FAM81A: variants seen among roughly 807,000 people sequenced by gnomAD.
FAM81A encodes the protein family with sequence similarity 81 member A.
Under a neutral mutation model 46.7 loss-of-function variants are expected in FAM81A, and 19 were observed. The observed-to-expected ratio is 0.41, with a 90% CI of 0.28 to 0.60. The LOEUF is 0.60. Ranked by LOEUF, FAM81A falls within the 20% of genes least tolerant of loss-of-function variation. FAM81A has a pLI of 0.34. For missense variants in FAM81A, 377 were observed against 453.5 expected (o/e 0.83, Z 1.53); for synonymous variants, 183 against 152.9 (o/e 1.20, Z -1.45).
chr15:59,442,230 G>A (rs1412501472), intron 1 of FAM81A, among the ~76,000 whole-genome samples: 1 of 152,154 alleles, frequency 6.6e-6, no homozygotes, highest in African/African-American at 2.4e-5. Flanking sequence ...AAGCCTGACT[G>A]CTTTGTCTCT....
intron 2 of FAM81A, among the ~76,000 whole-genome samples, chr15:59,409,263 C>T (rs62015014): frequency 0.14 from 20,693 of 152,116 alleles, 1,523 homozygotes; most frequent in Middle Eastern, 0.19. Flanking sequence ...CTCCTGCCTC[C>T]GGACTCTCCA....
At chr15:59,402,967 G>T (rs1407734555) in intron 2 of FAM81A, among the ~76,000 whole-genome samples, 1 of 152,160 alleles carries the variant, frequency 6.6e-6, no homozygotes, top group Non-Finnish European at 1.5e-5. Flanking sequence ...TGTTACTACA[G>T]TGAACTGAGT....
chr15:59,471,227 A>G (rs2081684606), intron 3 of FAM81A, among the ~76,000 whole-genome samples: 1 of 152,128 alleles, frequency 6.6e-6, no homozygotes. Context: ...GAAATATCCA[A>G]CTCTTATTGC....
chr15:59,507,383 G>A (rs553741012), intron 5 of FAM81A, 41 bp downstream of exon 5: 1 of 1,597,414 alleles, frequency 6.3e-7, no homozygotes, highest in African/African-American at 1.3e-5. Context: ...CGGGTAATTT[G>A]TTCTTAGCTA....
intron 7 of FAM81A, among the ~76,000 whole-genome samples, 191 bp downstream of exon 7, chr15:59,514,615 G>C (rs1366632729): frequency 1.3e-5 from 2 of 152,030 alleles, no homozygotes; most frequent in African/African-American, 4.8e-5. Flanking sequence ...GACTTGTTTT[G>C]GTTAACAAAG....
intron 2 of FAM81A, among the ~76,000 whole-genome samples, chr15:59,428,776 G>A (rs959713086): frequency 7.9e-5 from 12 of 151,832 alleles, no homozygotes; most frequent in African/African-American, 1.9e-4. Context: ...AATTAGAGGC[G>A]CAGGCCACCA....
chr15:59,406,885 G>GTT (rs35428955), intron 2 of FAM81A: 27 of 137,978 alleles, frequency 2.0e-4, no homozygotes, highest in Non-Finnish European at 2.2e-4. Context: ...TGGAGGGAAA[G>GTT]TTTTTTTTTT....
chr15:59,494,944 A>C (rs1224510020), intron 4 of FAM81A, among the ~76,000 whole-genome samples: 1 of 152,206 alleles, frequency 6.6e-6, no homozygotes, highest in Non-Finnish European at 1.5e-5. Flanking sequence ...CATTTAGCTC[A>C]TGTGGCATAC....
At chr15:59,413,052 T>C (rs1003423648) in intron 2 of FAM81A, among the ~76,000 whole-genome samples, 1 of 152,192 alleles carries the variant, frequency 6.6e-6, no homozygotes, top group African/African-American at 2.4e-5. Context: ...AGTTTTGTTA[T>C]ACGTGCAGCT....
intron 2 of FAM81A, among the ~76,000 whole-genome samples, chr15:59,421,171 A>G (rs374891719): frequency 2.0e-5 from 3 of 152,118 alleles, no homozygotes; most frequent in African/African-American, 7.2e-5. Context: ...GGACCCTTGA[A>G]CTCTGCATTC....
chr15:59,411,863 G>A (rs749798074), intron 2 of FAM81A, among the ~76,000 whole-genome samples: 20 of 151,988 alleles, frequency 1.3e-4, no homozygotes, highest in East Asian at 3.9e-4. Context: ...GCAGTGAGCC[G>A]AGACTGCACC....
intron 2 of FAM81A, 120 bp downstream of exon 2, chr15:59,458,766 A>G: frequency 2.2e-6 from 2 of 897,082 alleles, no homozygotes; most frequent in Non-Finnish European, 3.7e-6. Flanking sequence ...GAGAAACACT[A>G]TTGTGTCCTC....
chr15:59,517,396 C>T (rs1408236503), intron 8 of FAM81A, among the ~76,000 whole-genome samples: 1 of 152,070 alleles, frequency 6.6e-6, no homozygotes, highest in African/African-American at 2.4e-5. Context: ...GGAAGGTACC[C>T]GAAGACAGAT....
chr15:59,518,565 GT>G (rs2082291951), intron 8 of FAM81A, among the ~76,000 whole-genome samples: 2 of 152,212 alleles, frequency 1.3e-5, no homozygotes, highest in South Asian at 4.1e-4. Context: ...GCCTCAAGCA[GT>G]CCTCTTGCCT....
At chr15:59,490,688 T>C (rs1451996848) in intron 3 of FAM81A, among the ~76,000 whole-genome samples, 3 of 152,044 alleles carry the variant, frequency 2.0e-5, no homozygotes, top group African/African-American at 7.2e-5. Flanking sequence ...AAAAAAAATT[T>C]AGCCTGGCAT....
chr15:59,484,869 T>A (rs1324128248), intron 3 of FAM81A, among the ~76,000 whole-genome samples: 1 of 152,136 alleles, frequency 6.6e-6, no homozygotes. Context: ...TCTCTAGATG[T>A]ACCCTGGGCT....
At chr15:59,458,442 C>A in intron 1 of FAM81A, 108 bp from the exon 2 acceptor site, 1 of 660,980 alleles carries the variant, frequency 1.5e-6, no homozygotes, top group African/African-American at 1.8e-5. Flanking sequence ...TATAACTTAT[C>A]AGTGTTTCAA....
intron 2 of FAM81A, among the ~76,000 whole-genome samples, chr15:59,428,004 C>T (rs1186600843): frequency 6.6e-6 from 1 of 152,198 alleles, no homozygotes; most frequent in Non-Finnish European, 1.5e-5. Flanking sequence ...AGTGGCTGTG[C>T]TAATTTACAT....
chr15:59,490,524 T>C (rs1283765133), intron 3 of FAM81A, among the ~76,000 whole-genome samples: 1 of 152,150 alleles, frequency 6.6e-6, no homozygotes, highest in African/African-American at 2.4e-5. Context: ...ATCAGAGAAA[T>C]GCAAATCAAA....
Sources: gnomAD v4.1 joint callset for allele counts (sites outside exome capture counted in the v4.1 genomes callset) on GRCh38, gnomAD v4.1.1 for gene constraint, MANE v1.5 for transcripts, NCBI Gene and HGNC (gene_info 2026-07-23, HGNC 2026-07-21) for gene names.